Variants in MNAT1 observed in about 807,000 individuals in gnomAD.
MNAT1 encodes MNAT1 component of CDK activating kinase, also known as CDK-activating kinase assembly factor MAT1.
MNAT1 carries 43 observed loss-of-function variants against 42.0 expected under a neutral mutation model. That is an observed-to-expected ratio of 1.02 (90% confidence interval 0.80 to 1.32). The LOEUF (loss-of-function observed/expected upper bound fraction) is 1.32, where lower values mean the gene tolerates loss of function less well. Ranked by LOEUF, MNAT1 falls within the 40% of genes most tolerant of loss-of-function variation. The pLI is 0.00. For synonymous variants in MNAT1, 118 were observed against 120.0 expected, an observed-to-expected ratio of 0.98 and a Z score of 0.11; for missense variants, 306 against 350.4, an observed-to-expected ratio of 0.87 and a Z score of 1.01.
chr14:60,850,783 A>G (rs1365625203), intron 6 of MNAT1, among the ~76,000 whole-genome samples: 1 of 152,220 alleles, frequency 6.6e-6, no homozygotes, highest in African/African-American at 2.4e-5. Context: ...CAAGAACAGC[A>G]ACAAAGTAAA....
chr14:60,909,216 G>T (rs2035287499), intron 7 of MNAT1, among the ~76,000 whole-genome samples: 2 of 152,078 alleles, frequency 1.3e-5, no homozygotes, highest in Admixed American at 1.3e-4. Flanking sequence ...GTAGATTCTG[G>T]ATATTAGCCC....
chr14:60,780,120 A>C, intron 1 of MNAT1: 1 of 1,478,294 alleles, frequency 6.8e-7, no homozygotes, highest in South Asian at 1.1e-5. Context: ...CGAGTGCAGA[A>C]ATACGGACTC....
intron 6 of MNAT1, among the ~76,000 whole-genome samples, chr14:60,835,027 C>T (rs571815859): frequency 6.5e-5 from 8 of 123,674 alleles, no homozygotes; most frequent in Admixed American, 1.0e-4. Flanking sequence ...CTCATTCATT[C>T]GTTCATTCGT....
chr14:60,914,108 G>A (rs553634255), intron 7 of MNAT1, among the ~76,000 whole-genome samples: 12 of 152,314 alleles, frequency 7.9e-5, no homozygotes, highest in South Asian at 4.1e-4. Flanking sequence ...CTCTGTGGGC[G>A]TAGGACCCTC....
intron 6 of MNAT1, among the ~76,000 whole-genome samples, chr14:60,849,638 TC>T (rs1390434639): frequency 6.6e-6 from 1 of 152,172 alleles, no homozygotes; most frequent in Non-Finnish European, 1.5e-5. Flanking sequence ...TTAATTCCCT[TC>T]TTTTTTTTAC....
intron 6 of MNAT1, among the ~76,000 whole-genome samples, chr14:60,831,304 T>G (rs1384872032): frequency 6.6e-6 from 1 of 152,036 alleles, no homozygotes; most frequent in African/African-American, 2.4e-5. Flanking sequence ...CATTAGGTAT[T>G]TCTTCTAATG....
chr14:60,952,676 A>G (rs1267856165), intron 7 of MNAT1, among the ~76,000 whole-genome samples: 3 of 152,124 alleles, frequency 2.0e-5, no homozygotes, highest in Non-Finnish European at 2.9e-5. Context: ...CGATTATGAA[A>G]ATATTATCTT....
intron 7 of MNAT1, among the ~76,000 whole-genome samples, chr14:60,936,814 G>A (rs1479795716): frequency 6.6e-6 from 1 of 152,136 alleles, no homozygotes; most frequent in East Asian, 1.9e-4. Flanking sequence ...GACTTCCACA[G>A]TGGTTGAACT....
chr14:60,879,086 C>T (rs1308060930), intron 6 of MNAT1, among the ~76,000 whole-genome samples: 1 of 151,656 alleles, frequency 6.6e-6, no homozygotes, highest in Non-Finnish European at 1.5e-5. Context: ...CCACTGAGGG[C>T]TTCATCTTCA....
intron 7 of MNAT1, among the ~76,000 whole-genome samples, chr14:60,884,600 T>C (rs1361411570): frequency 6.6e-6 from 1 of 152,130 alleles, no homozygotes; most frequent in East Asian, 1.9e-4. Flanking sequence ...CTCTACACTT[T>C]AACTTTGTCC....
intron 1 of MNAT1, among the ~76,000 whole-genome samples, chr14:60,762,083 A>T (rs536851757): frequency 6.6e-6 from 1 of 152,124 alleles, no homozygotes; most frequent in African/African-American, 2.4e-5. Flanking sequence ...ATTTTTCTTC[A>T]AGTTTCTTCC....
At chr14:60,819,910 T>C (rs1443928878) in intron 6 of MNAT1, among the ~76,000 whole-genome samples, 67 of 152,190 alleles carry the variant, frequency 4.4e-4, no homozygotes, top group Non-Finnish European at 1.0e-4. Flanking sequence ...ACTTGGCTTA[T>C]TGTAAGCTCT....
At chr14:60,832,318 G>T (rs973233261) in intron 6 of MNAT1, among the ~76,000 whole-genome samples, 1 of 152,042 alleles carries the variant, frequency 6.6e-6, no homozygotes, top group Non-Finnish European at 1.5e-5. Context: ...TAGGTCTTAC[G>T]TTTAAGTCTT....
At chr14:60,950,012 G>C (rs1196957177) in intron 7 of MNAT1, among the ~76,000 whole-genome samples, 1 of 152,080 alleles carries the variant, frequency 6.6e-6, no homozygotes. Context: ...CTGGAAAATA[G>C]AATTTTCCAT....
At chr14:60,801,233 C>T (rs1403181028) in intron 3 of MNAT1, among the ~76,000 whole-genome samples, 1 of 150,680 alleles carries the variant, frequency 6.6e-6, no homozygotes. Flanking sequence ...GGAGAATGAG[C>T]AAGTAGTCTG....
chr14:60,895,737 G>A (rs2034943045), intron 7 of MNAT1, among the ~76,000 whole-genome samples: 1 of 152,158 alleles, frequency 6.6e-6, no homozygotes, highest in Non-Finnish European at 1.5e-5. Context: ...TTCAAGACCA[G>A]CCTGGTCAAC....
chr14:60,912,983 C>T (rs2035412532), intron 7 of MNAT1, among the ~76,000 whole-genome samples: 1 of 152,200 alleles, frequency 6.6e-6, no homozygotes, highest in Non-Finnish European at 1.5e-5. Context: ...TACATTTGGT[C>T]TTTTCACATA....
chr14:60,829,262 A>C (rs1304783470), intron 6 of MNAT1, among the ~76,000 whole-genome samples: 1 of 152,196 alleles, frequency 6.6e-6, no homozygotes, highest in Admixed American at 6.5e-5. Context: ...TTAGGAGATG[A>C]GTACCAGGAA....
chr14:60,795,937 T>G (rs533580596), intron 1 of MNAT1, among the ~76,000 whole-genome samples: 1 of 152,310 alleles, frequency 6.6e-6, no homozygotes, highest in Non-Finnish European at 1.5e-5. Context: ...CTTTGACTTC[T>G]CCCTATCCTG....
Sources: allele counts gnomAD v4.1 joint callset (sites outside exome capture counted in the v4.1 genomes callset), GRCh38; gene constraint gnomAD v4.1.1; transcripts MANE v1.5; gene names NCBI Gene and HGNC (gene_info 2026-07-23, HGNC 2026-07-21).